Variants in LYPLA1 observed in about 807,000 individuals in gnomAD.
LYPLA1 encodes lysophospholipase 1.
A neutral mutation model predicts 34.0 loss-of-function variants in LYPLA1; 17 were observed. That is an observed-to-expected ratio of 0.50 (90% CI 0.34 to 0.75). LYPLA1 has a LOEUF of 0.75. LYPLA1 is among the 30% of genes least tolerant of loss of function. The probability of loss-of-function intolerance (pLI) is 0.01; values close to 1 mark genes in which losing one functional copy is unlikely to be tolerated. For missense variants in LYPLA1, 203 were observed against 288.8 expected (o/e 0.70, Z 2.15); for synonymous variants, 98 against 100.8 (o/e 0.97, Z 0.17).
intron 2 of LYPLA1, among the ~76,000 whole-genome samples, chr8:54,098,543 T>C (rs1425186153): frequency 6.6e-6 from 1 of 152,102 alleles, no homozygotes; most frequent in Non-Finnish European, 1.5e-5. Context: ...TAGCTGGACG[T>C]GGTAGCACGC....
Position 54,090,832 on chromosome 8 carries a change from C to T in LYPLA1, c.101+10076G>A, listed in dbSNP as rs138001214. Among the ~76,000 whole-genome samples the T allele has an allele frequency of 3.8e-3, 574 of 152,228 alleles. 3 individuals carry two copies. The highest frequency in any genetic ancestry group is 0.013 in the African/African-American group (546 of 41,542). ...AATTGAATCACAGGGGTGGTTTCCCCCATGCTGTTCTTATGACAGTGAGTT... is the reference window on the plus strand; with the variant it reads ...AATTGAATCACAGGGGTGGTTTCCCTCATGCTGTTCTTATGACAGTGAGTT... On this transcript the variant is annotated intron_variant, in intron 2 of 8. Coordinates refer to ENST00000316963, the MANE Select transcript of LYPLA1 (RefSeq NM_006330.4).
At chr8:54,091,252 C>T (rs2129363731) in intron 2 of LYPLA1, among the ~76,000 whole-genome samples, 1 of 152,166 alleles carries the variant, frequency 6.6e-6, no homozygotes, top group African/African-American at 2.4e-5. Context: ...CTTTGGGAGG[C>T]CGAGGTGGGC....
intron 5 of LYPLA1, among the ~76,000 whole-genome samples, chr8:54,060,169 A>T (rs1217472958): frequency 6.6e-6 from 1 of 151,912 alleles, no homozygotes; most frequent in Non-Finnish European, 1.5e-5. Flanking sequence ...CTTGTTGCCC[A>T]GGCTGGAGTG....
At chr8:54,101,675 G>A (rs1020205385) in intron 1 of LYPLA1, 80 bp downstream of exon 1, 3 of 1,185,308 alleles carry the variant, frequency 2.5e-6, no homozygotes, top group Admixed American at 4.4e-5. Context: ...CCACGCGCCC[G>A]CAACGCCCAC....
At chr8:54,053,496 C>G (rs1272191127) in intron 6 of LYPLA1, 1 of 412,922 alleles carries the variant, frequency 2.4e-6, no homozygotes. Flanking sequence ...ATCCCACATT[C>G]TGGAAGCTGT....
intron 3 of LYPLA1, among the ~76,000 whole-genome samples, chr8:54,064,604 T>G (rs1337673057): frequency 6.6e-6 from 1 of 152,206 alleles, no homozygotes; most frequent in Non-Finnish European, 1.5e-5. Flanking sequence ...CCATTCCCTC[T>G]TTCATGTTTA....
chr8:54,096,089 C>T (rs1036197857), intron 2 of LYPLA1, among the ~76,000 whole-genome samples: 7 of 152,124 alleles, frequency 4.6e-5, no homozygotes, highest in African/African-American at 1.4e-4. Context: ...TGTCCTGGTA[C>T]TTAAAAATGT....
At chr8:54,093,117 C>T (rs899637978) in intron 2 of LYPLA1, among the ~76,000 whole-genome samples, 4 of 152,296 alleles carry the variant, frequency 2.6e-5, no homozygotes, top group South Asian at 4.1e-4. Context: ...GAGCTAGGAT[C>T]GTTCACTTGT....
chr8:54,056,741 C>T (rs948569371), intron 5 of LYPLA1, among the ~76,000 whole-genome samples: 1 of 152,092 alleles, frequency 6.6e-6, no homozygotes, highest in Non-Finnish European at 1.5e-5. Context: ...GGTGAAACCC[C>T]GTATCTACTA....
intron 2 of LYPLA1, among the ~76,000 whole-genome samples, chr8:54,093,166 T>A (rs1762426891): frequency 6.6e-6 from 1 of 152,124 alleles, no homozygotes; most frequent in Non-Finnish European, 1.5e-5. Context: ...ATTACGCAAA[T>A]CTACAGAAAG....
chr8:54,074,354 A>T (rs2129343690), intron 2 of LYPLA1, among the ~76,000 whole-genome samples: 1 of 152,310 alleles, frequency 6.6e-6, no homozygotes, highest in South Asian at 2.1e-4. Flanking sequence ...CCTGCAGTAA[A>T]CAACCTGCAG....
intron 2 of LYPLA1, among the ~76,000 whole-genome samples, chr8:54,069,895 T>C (rs1807340913): frequency 6.6e-6 from 1 of 152,144 alleles, no homozygotes; most frequent in African/African-American, 2.4e-5. Context: ...GAAAAGATGC[T>C]CAACATCATT....
At chr8:54,093,386 G>A (rs1227197997) in intron 2 of LYPLA1, among the ~76,000 whole-genome samples, 2 of 152,228 alleles carry the variant, frequency 1.3e-5, no homozygotes, top group African/African-American at 4.8e-5. Context: ...CCTAAGAGGA[G>A]GAGAGAACAG....
chr8:54,085,475 C>T (rs1808646789), intron 2 of LYPLA1, among the ~76,000 whole-genome samples: 1 of 151,962 alleles, frequency 6.6e-6, no homozygotes, highest in African/African-American at 2.4e-5. Flanking sequence ...AGCCCCTCTG[C>T]CCAGTCTGGG....
intron 8 of LYPLA1, among the ~76,000 whole-genome samples, chr8:54,049,713 C>T (rs1046135842): frequency 2.6e-5 from 4 of 152,192 alleles, no homozygotes; most frequent in Non-Finnish European, 4.4e-5. Context: ...CCTCCTTCCA[C>T]TCATAGGTCT....
chr8:54,092,316 GGAGAAGGAGGAGACAGAGA>G (rs2129366136), intron 2 of LYPLA1, among the ~76,000 whole-genome samples: 1 of 151,322 alleles, frequency 6.6e-6, no homozygotes, highest in South Asian at 2.1e-4. Flanking sequence ...TGGAGGAGGA[GGAGAAGGAGGAGACAGAGA>G]GAGAAGGAGG....
intron 2 of LYPLA1, among the ~76,000 whole-genome samples, chr8:54,070,559 C>G (rs1027954340): frequency 6.6e-6 from 1 of 151,976 alleles, no homozygotes; most frequent in African/African-American, 2.4e-5. Context: ...CCTGTCTCTA[C>G]TAAAAATACA....
At chr8:54,066,274 A>C (rs752538518) in intron 2 of LYPLA1, among the ~76,000 whole-genome samples, 1 of 152,104 alleles carries the variant, frequency 6.6e-6, no homozygotes, top group African/African-American at 2.4e-5. Context: ...CAATACTATT[A>C]AAACAACACC....
chr8:54,085,707 G>T lies in LYPLA1; in HGVS notation c.101+15201C>A, dbSNP rs184379304. ...AGGTGAGGAGCATCTCTGACCAGCC[G>T]CCCTGTCTGACAAGTGAGGAGCCCC... On this transcript the variant is annotated intron_variant, in intron 2 of 8. Transcript: ENST00000316963. Among the ~76,000 whole-genome samples the T allele has an allele frequency of 1.3e-3, 196 of 151,240 alleles. 1 individual carries two copies. Among genetic ancestry groups the T allele is most frequent in the Middle Eastern group, 7.0e-3 (2 of 284 alleles).
Sources: gnomAD v4.1 joint callset for allele counts (sites outside exome capture counted in the v4.1 genomes callset) on GRCh38, gnomAD v4.1.1 for gene constraint, MANE v1.5 for transcripts, NCBI Gene and HGNC (gene_info 2026-07-23, HGNC 2026-07-21) for gene names.